MLLT1: variants seen among roughly 807,000 people sequenced by gnomAD.
MLLT1 encodes the protein protein ENL.
A neutral mutation model predicts 55.1 loss-of-function variants in MLLT1; 11 were observed. The observed-to-expected ratio is 0.20, with a 90% CI of 0.13 to 0.33. The LOEUF is 0.33. Among genes scored for constraint, MLLT1 ranks in the 10% least tolerant of loss-of-function variants. MLLT1 has a pLI of 1.00. For missense variants in MLLT1, 536 were observed against 760.6 expected, an observed-to-expected ratio of 0.70 and a Z score of 3.47; for synonymous variants, 323 against 320.1, an observed-to-expected ratio of 1.01 and a Z score of -0.10.
rs2091106931 is a variant in MLLT1, at chr19:6,240,822, A to C, written c.277-10109T>G. The stretch of plus-strand genomic sequence containing the variant: ...TTCGCATTTCCGATAACCAGAATCA[A>C]TTCCTGCATCGATGAGCAATTAGAA... On this transcript the variant is annotated intron_variant, in intron 3 of 11. Coordinates refer to ENST00000252674, the MANE Select transcript of MLLT1 (RefSeq NM_005934.4). This position sits in a 1 kb window ranked among gnomAD's most constrained non-coding sequence, Gnocchi z 4.7. 6.6e-6 allele frequency among the ~76,000 whole-genome samples: 1 copy of C among 152,214 alleles called. No homozygotes were observed. Among genetic ancestry groups the C allele is most frequent in the Non-Finnish European group, 1.5e-5 (1 of 68,038 alleles).
At chr19:6,216,581 G>A (rs537622357) in intron 7 of MLLT1, 68 bp from the exon 8 acceptor site, 17 of 1,129,394 alleles carry the variant, frequency 1.5e-5, no homozygotes, top group African/African-American at 1.1e-4. Flanking sequence ...AGGGCCCCTC[G>A]CCCATGAGGC....
chr19:6,217,265 C>T (rs1436035976), intron 7 of MLLT1, among the ~76,000 whole-genome samples: 3 of 152,156 alleles, frequency 2.0e-5, no homozygotes, highest in Non-Finnish European at 4.4e-5. Context: ...TCTCCCCCAG[C>T]CCCCCTGCAA....
chr19:6,213,511 G>T, intron 10 of MLLT1, 103 bp from the exon 11 acceptor site: 1 of 1,150,390 alleles, frequency 8.7e-7, no homozygotes, highest in Non-Finnish European at 1.3e-6. Flanking sequence ...GCACAGGACA[G>T]AGGTAGCCAC....
chr19:6,278,185 C>G (rs919357536), intron 1 of MLLT1, among the ~76,000 whole-genome samples: 8 of 152,230 alleles, frequency 5.3e-5, no homozygotes, highest in African/African-American at 1.9e-4. Context: ...GCCACCCCCA[C>G]AGCCCCACAA....
At chr19:6,225,311 A>C (rs1386320767) in intron 5 of MLLT1, among the ~76,000 whole-genome samples, 1 of 152,318 alleles carries the variant, frequency 6.6e-6, no homozygotes, top group Non-Finnish European at 1.5e-5. Context: ...GCAAGGCCCC[A>C]AAAGGCCCAC....
In MLLT1 at chr19:6,251,769, C is replaced by CA. The variant is rs11307954; in HGVS notation, c.276+10458dup. On this transcript the variant is annotated intron_variant, in intron 3 of 11. Coordinates refer to ENST00000252674, the MANE Select transcript of MLLT1 (RefSeq NM_005934.4). ...ACAAAACCCCATCTCTACCTCCCAC[C>CA]AAAAAAAAAAAAAGAAAGAAAGAAT... 7.3e-3 allele frequency among the ~76,000 whole-genome samples: 1,032 copies of CA among 141,974 alleles called. 8 individuals carry two copies. The highest frequency in any genetic ancestry group is 0.019 in the East Asian group (93 of 4,798). 93.1% of individuals were successfully genotyped at this position (141,974 alleles called of 152,430 possible).
rs1293858791 is a variant in MLLT1 at position 6,270,883 on chromosome 19, G to C, written c.13-124C>G. ...GTGCAATACGCTCTCAACCCAGTGA[G>C]CAGCACACAGACGGCTTCCTATCGC... On this transcript the variant is annotated intron_variant, in intron 1 of 11. Transcript: ENST00000252674. This position sits in a 1 kb window ranked among gnomAD's most constrained non-coding sequence, Gnocchi z 7.1. The C allele has an allele frequency of 1.1e-6, 1 of 915,578 alleles. No homozygotes were observed. The highest frequency in any genetic ancestry group is 1.6e-6 in the Non-Finnish European group (1 of 627,404). 56.7% of individuals were successfully genotyped at this position (915,578 alleles called of 1,614,324 possible).
At position 6,213,422 on chromosome 19, in the gene MLLT1, G is replaced by A. The variant is rs781610916; in HGVS notation, c.1480-14C>T. Reference sequence around the variant, plus strand: ...ATCCGTGTAGGCCTGGGGAGGGGGGGCAGGTCTCAGCAGCGTGTGGGGGCC... The same window carrying A: ...ATCCGTGTAGGCCTGGGGAGGGGGGACAGGTCTCAGCAGCGTGTGGGGGCC... On this transcript the variant is annotated splice_polypyrimidine_tract_variant and intron_variant, in intron 10 of 11. Transcript: ENST00000252674. 5 of 1,604,764 alleles carry A rather than the reference G, an allele frequency of 3.1e-6. No individual in the cohort carries two copies. The highest frequency in any genetic ancestry group is 3.3e-5 in the Admixed American group (2 of 60,014).
intron 3 of MLLT1, among the ~76,000 whole-genome samples, chr19:6,232,153 T>C (rs62108700): frequency 0.21 from 31,539 of 151,942 alleles, 3,474 homozygotes; most frequent in Middle Eastern, 0.26. Context: ...GGAGAATCAC[T>C]TGAATCCGGT....
rs575799362 is a variant in MLLT1, at chr19:6,228,665, G to A, written c.421-1563C>T. ...TCCCGGGTCTCCCAGCACCCACGGCGGGGGGCTGGGGTCACCTGCTGCTAG... is the reference window on the plus strand; with the variant it reads ...TCCCGGGTCTCCCAGCACCCACGGCAGGGGGCTGGGGTCACCTGCTGCTAG... On this transcript the variant is annotated intron_variant, in intron 4 of 11. Transcript: ENST00000252674. Among the ~76,000 whole-genome samples, 178 of 152,270 alleles carry A rather than the reference G, an allele frequency of 1.2e-3. 1 individual carries two copies. The highest frequency in any genetic ancestry group is 4.1e-3 in the African/African-American group (171 of 41,546).
intron 3 of MLLT1, among the ~76,000 whole-genome samples, chr19:6,241,581 C>A (rs2091113296): frequency 6.6e-6 from 1 of 152,268 alleles, no homozygotes; most frequent in Non-Finnish European, 1.5e-5. Flanking sequence ...GGCCGTCCCA[C>A]CGTCCCAGCC....
chr19:6,243,880 A>T (rs1481598878), intron 3 of MLLT1, among the ~76,000 whole-genome samples: 2 of 151,786 alleles, frequency 1.3e-5, no homozygotes, highest in Non-Finnish European at 2.9e-5. Flanking sequence ...CCTCTCTACT[A>T]AAAATACAAA....
chr19:6,248,339 C>T (rs765931947), intron 3 of MLLT1, among the ~76,000 whole-genome samples: 3 of 152,220 alleles, frequency 2.0e-5, no homozygotes, highest in Admixed American at 6.5e-5. Flanking sequence ...TTTTAACCTA[C>T]GCCCACCAGG....
At chr19:6,216,729 T>G (rs1224010746) in intron 7 of MLLT1, 2 of 563,456 alleles carry the variant, frequency 3.5e-6, no homozygotes, top group Non-Finnish European at 6.3e-6. Context: ...CCCCCACCCC[T>G]CCCTACCTTC....
chr19:6,266,373 C>G (rs538507364), intron 2 of MLLT1, among the ~76,000 whole-genome samples: 8 of 152,118 alleles, frequency 5.3e-5, no homozygotes, highest in South Asian at 4.1e-4. Flanking sequence ...CCCAACCAAC[C>G]ATTCTACTGT....
At chr19:6,216,778 T>G in intron 7 of MLLT1, 1 of 475,364 alleles carries the variant, frequency 2.1e-6, no homozygotes, top group Non-Finnish European at 3.8e-6. Context: ...TGGCCGGCAG[T>G]GGGCGCGCAG....
At chr19:6,277,139 C>A (rs1260458005) in intron 1 of MLLT1, among the ~76,000 whole-genome samples, 1 of 152,210 alleles carries the variant, frequency 6.6e-6, no homozygotes, top group Non-Finnish European at 1.5e-5. Flanking sequence ...GGACACTGAC[C>A]ACCAACTCAC....
In MLLT1 at chr19:6,272,226, A is replaced by G. The variant is rs111788121; in HGVS notation, c.13-1467T>C. 2.5e-3 allele frequency among the ~76,000 whole-genome samples: 378 copies of G among 152,328 alleles called. 2 individuals are homozygous for G. Among genetic ancestry groups the G allele is most frequent in the African/African-American group, 8.8e-3 (365 of 41,570 alleles). ...CATGTCCTAACCCTTTTGAAGTCAG[A>G]GTCCAGCCTGCACACAGGCGCACAC... On this transcript the variant is annotated intron_variant, in intron 1 of 11. Coordinates refer to ENST00000252674, the MANE Select transcript of MLLT1 (RefSeq NM_005934.4).
At chr19:6,246,228 G>A (rs915961218) in intron 3 of MLLT1, among the ~76,000 whole-genome samples, 3 of 151,992 alleles carry the variant, frequency 2.0e-5, no homozygotes, top group Non-Finnish European at 4.4e-5. Context: ...GAAAACCACT[G>A]GGCAGTTTCT....
Sources: allele counts gnomAD v4.1 joint callset (sites outside exome capture counted in the v4.1 genomes callset), GRCh38; gene constraint gnomAD v4.1.1; non-coding constraint Gnocchi (gnomAD v3.1); transcripts MANE v1.5; gene names NCBI Gene and HGNC (gene_info 2026-07-23, HGNC 2026-07-21).